The following TMEM30A variants were observed in gnomAD, a reference collection of about 807,000 sequenced individuals.
The protein encoded by TMEM30A is cell cycle control protein 50A.
In TMEM30A, 24 loss-of-function variants were observed where a neutral mutation model predicts 38.2. The ratio of observed to expected loss-of-function variants is 0.63; its 90% confidence interval spans 0.46 to 0.88. The LOEUF (loss-of-function observed/expected upper bound fraction) is 0.88. Ranked by LOEUF, TMEM30A falls within the 40% of genes least tolerant of loss-of-function variation. The pLI, the probability that TMEM30A is intolerant of heterozygous loss-of-function variation, is 0.00. For synonymous variants in TMEM30A, 145 were observed against 161.6 expected (o/e 0.90, Z 0.78); for missense variants, 370 against 458.6 (o/e 0.81, Z 1.77).
chr6:75,277,987 G>A (rs1430936296), intron 1 of TMEM30A, among the ~76,000 whole-genome samples: 1 of 152,026 alleles, frequency 6.6e-6, no homozygotes, highest in Non-Finnish European at 1.5e-5. Flanking sequence ...ATGCTGAACA[G>A]AGATGGAAAA....
intron 3 of TMEM30A, among the ~76,000 whole-genome samples, chr6:75,262,326 G>A (rs1251425103): frequency 6.6e-6 from 1 of 152,034 alleles, no homozygotes; most frequent in Admixed American, 6.6e-5. Flanking sequence ...CAGCCTGGGT[G>A]ACAAAGTCAA....
At chr6:75,270,258 A>G (rs536584143) in intron 1 of TMEM30A, among the ~76,000 whole-genome samples, 5 of 152,282 alleles carry the variant, frequency 3.3e-5, no homozygotes. Context: ...ATGTGGTAAT[A>G]TGTCATTGTT....
chr6:75,275,292 T>C (rs551973496), intron 1 of TMEM30A, among the ~76,000 whole-genome samples: 3 of 152,280 alleles, frequency 2.0e-5, no homozygotes, highest in African/African-American at 7.2e-5. Flanking sequence ...ACACCATCTA[T>C]GCTAATTAGG....
At chr6:75,271,930 C>A (rs995993683) in intron 1 of TMEM30A, among the ~76,000 whole-genome samples, 8 of 151,758 alleles carry the variant, frequency 5.3e-5, no homozygotes, top group African/African-American at 1.9e-4. Context: ...TGAGAAGCAG[C>A]AAAGATTTGA....
chr6:75,265,108 A>T, intron 3 of TMEM30A, 123 bp downstream of exon 3: 1 of 597,986 alleles, frequency 1.7e-6, no homozygotes. Flanking sequence ...GGGGGAAAAA[A>T]ATCCTCACTA....
intron 1 of TMEM30A, chr6:75,273,035 C>T (rs1264031741): frequency 6.6e-6 from 1 of 152,288 alleles, no homozygotes; most frequent in Non-Finnish European, 1.5e-5. Flanking sequence ...GCAGCTGTGG[C>T]ATCTGGATCA....
chr6:75,260,824 C>T lies in TMEM30A; in HGVS notation c.541G>A (p.Asp181Asn). The change falls in exon 4 of 7, where the codon GAT becomes AAT. Residue 181 changes from aspartate to asparagine, a missense_variant and splice_region_variant. Coordinates refer to ENST00000230461, the MANE Select transcript of TMEM30A (RefSeq NM_018247.4). ...GTCTATATTTGTATCTATATCATACCATTAAACATGCTGTTGGCAATAGCT... is the reference window on the plus strand; with the variant it reads ...GTCTATATTTGTATCTATATCATACTATTAAACATGCTGTTGGCAATAGCT... ...CGAIANSMFN[D>N]TLELFLIGND... is the part of the protein sequence containing the mutation. 1 of 1,574,130 alleles carries T rather than the reference C, an allele frequency of 6.4e-7. No individual in the cohort carries two copies. The highest frequency in any genetic ancestry group is 8.6e-7 in the Non-Finnish European group (1 of 1,162,026).
intron 3 of TMEM30A, among the ~76,000 whole-genome samples, chr6:75,262,413 G>A (rs186524112): frequency 6.6e-6 from 1 of 152,170 alleles, no homozygotes; most frequent in Admixed American, 6.5e-5. Context: ...GGGAGGCCGA[G>A]GCTGGTGGAT....
chr6:75,266,750 G>GA (rs1772075238), intron 2 of TMEM30A, among the ~76,000 whole-genome samples: 1 of 152,124 alleles, frequency 6.6e-6, no homozygotes, highest in Non-Finnish European at 1.5e-5. Context: ...CCATCACACT[G>GA]AAAAATCATG....
Position 75,256,069 on chromosome 6 carries a change from C to T in TMEM30A, c.*33G>A, listed in dbSNP as rs1053566132. 1.3e-6 allele frequency: 2 copies of T among 1,493,460 alleles called. No individual in the cohort carries two copies. Among genetic ancestry groups the T allele is most frequent in the Non-Finnish European group, 1.8e-6 (2 of 1,083,368 alleles). The allele number at this position is 1,493,460 out of a possible 1,614,324, so 92.5% of individuals were successfully genotyped here. A position where few individuals can be genotyped will look rare whatever the true frequency, so the allele number is the denominator to read the frequency against. On this transcript the variant is annotated 3_prime_UTR_variant, in exon 7 of 7. Coordinates refer to ENST00000230461, the MANE Select transcript of TMEM30A (RefSeq NM_018247.4). ...AGGTTGAATAGGACTGGCCTTGATG[C>T]ACATGCAGATGATTTGCTTTCATAA... is the stretch of plus-strand genomic sequence containing the variant.
At chr6:75,267,525 C>T (rs1772089606) in intron 2 of TMEM30A, 116 bp downstream of exon 2, 1 of 630,736 alleles carries the variant, frequency 1.6e-6, no homozygotes, top group African/African-American at 1.9e-5. Flanking sequence ...CCTATAAACT[C>T]CAGTAAATTA....
chr6:75,253,320 C>T lies in TMEM30A; in HGVS notation c.*2782G>A, dbSNP rs897083882. The T allele has an allele frequency of 5.3e-5, 8 of 152,158 alleles. No individual in the cohort carries two copies. The highest frequency in any genetic ancestry group is 1.7e-4 in the African/African-American group (7 of 41,466). The allele number at this position is 152,158 out of a possible 1,614,324, so 9.4% of individuals were successfully genotyped here. The stretch of plus-strand genomic sequence containing the variant: ...ACCCCACTTCATTATTTCCATCATG[C>T]TTACCTCTCTGTTTACTGGACATTC... On this transcript the variant is annotated 3_prime_UTR_variant, in exon 7 of 7. Coordinates refer to ENST00000230461, the MANE Select transcript of TMEM30A (RefSeq NM_018247.4).
chr6:75,263,228 C>T (rs1772003162), intron 3 of TMEM30A, among the ~76,000 whole-genome samples: 1 of 152,104 alleles, frequency 6.6e-6, no homozygotes, highest in Admixed American at 6.6e-5. Context: ...GAACTTATTT[C>T]TGTGAAGGTA....
At chr6:75,261,514 C>G (rs1365071039) in intron 3 of TMEM30A, among the ~76,000 whole-genome samples, 2 of 152,166 alleles carry the variant, frequency 1.3e-5, no homozygotes, top group African/African-American at 4.8e-5. Context: ...AGAACATTTG[C>G]CTGTGGTCCA....
At position 75,265,272 on chromosome 6, in the gene TMEM30A, G is replaced by T. The variant is rs377408806; in HGVS notation, c.412C>A (p.Arg138=). 1.2e-6 allele frequency: 2 copies of T among 1,611,116 alleles called. No individual in the cohort carries two copies. The highest frequency in any genetic ancestry group is 1.7e-6 in the Non-Finnish European group (2 of 1,178,518). The change falls in exon 3 of 7, where the codon CGA becomes AGA. Residue 138 remains arginine, a synonymous_variant. Coordinates refer to ENST00000230461, the MANE Select transcript of TMEM30A (RefSeq NM_018247.4). ...TCTCCATTTAGTTGACTATCATCTC[G>T]AGATTTCACGTAACGACGATGGTTT... ...YQNHRRYVKS[R]DDSQLNGDSS...
chr6:75,273,116 C>T (rs548451715), intron 1 of TMEM30A, among the ~76,000 whole-genome samples: 48 of 152,270 alleles, frequency 3.2e-4, no homozygotes, highest in Non-Finnish European at 6.0e-4. Flanking sequence ...ACGTCCCATC[C>T]ATTTTGTGTG....
chr6:75,267,984 GA>G (rs1376694573), intron 1 of TMEM30A, among the ~76,000 whole-genome samples: 1 of 151,998 alleles, frequency 6.6e-6, no homozygotes, highest in African/African-American at 2.4e-5. Flanking sequence ...TTTTATCAAA[GA>G]AATATATTTA....
At chr6:75,276,002 T>C (rs73451786) in intron 1 of TMEM30A, among the ~76,000 whole-genome samples, 6,186 of 152,046 alleles carry the variant, frequency 0.041, 417 homozygotes, top group African/African-American at 0.14. Context: ...GGAGGCAGAG[T>C]GACTGAAGAC....
chr6:75,267,449 A>G (rs1184406504), intron 2 of TMEM30A, among the ~76,000 whole-genome samples, 192 bp downstream of exon 2: 2 of 152,206 alleles, frequency 1.3e-5, no homozygotes, highest in African/African-American at 4.8e-5. Context: ...CCATTCAAAT[A>G]AATGTATTTA....
Sources: allele counts gnomAD v4.1 joint callset (sites outside exome capture counted in the v4.1 genomes callset), GRCh38; gene constraint gnomAD v4.1.1; transcripts MANE v1.5; gene names NCBI Gene and HGNC (gene_info 2026-07-23, HGNC 2026-07-21).